Variants in RASAL2 observed in about 807,000 individuals in gnomAD.
The protein encoded by RASAL2 is ras GTPase-activating protein nGAP.
RASAL2 carries 58 observed loss-of-function variants against 128.9 expected under a neutral mutation model. That is an observed-to-expected ratio of 0.45 (90% CI 0.36 to 0.56). The LOEUF is 0.56. Among genes scored for constraint, RASAL2 ranks in the 20% least tolerant of loss-of-function variants. The pLI, the probability that RASAL2 is intolerant of heterozygous loss-of-function variation, is 0.00. For synonymous variants in RASAL2, 561 were observed against 580.8 expected (o/e 0.97, Z 0.49); for missense variants, 1,360 against 1,601.6 (o/e 0.85, Z 2.57).
intron 5 of RASAL2, among the ~76,000 whole-genome samples, chr1:178,436,755 TTTGGTAGAG>T (rs1676281350): frequency 6.6e-6 from 1 of 152,088 alleles, no homozygotes; most frequent in Non-Finnish European, 1.5e-5. Flanking sequence ...ATTTTGTATT[TTTGGTAGAG>T]TTGGAGTTTT....
chr1:178,464,986 C>A (rs1647530995), intron 15 of RASAL2, among the ~76,000 whole-genome samples: 1 of 151,552 alleles, frequency 6.6e-6, no homozygotes, highest in Non-Finnish European at 1.5e-5. Flanking sequence ...CAAACAAGAA[C>A]CTTGTCATCA....
intron 4 of RASAL2, among the ~76,000 whole-genome samples, chr1:178,416,766 T>C (rs1484532494): frequency 6.6e-6 from 1 of 152,064 alleles, no homozygotes; most frequent in Non-Finnish European, 1.5e-5. Context: ...GGTTCTTTTT[T>C]TTTCCTCTCA....
chr1:178,106,566 A>G (rs1022708090), intron 1 of RASAL2, among the ~76,000 whole-genome samples: 5 of 152,224 alleles, frequency 3.3e-5, no homozygotes, highest in Non-Finnish European at 7.4e-5. Flanking sequence ...AATGTCTAAA[A>G]CAATGACTTT....
chr1:178,244,429 G>T (rs1345308586), intron 1 of RASAL2, among the ~76,000 whole-genome samples: 1 of 152,086 alleles, frequency 6.6e-6, no homozygotes, highest in Non-Finnish European at 1.5e-5. Flanking sequence ...TTTTAGTAGA[G>T]ATGGGGTTTC....
At chr1:178,417,792 AGG>A (rs1674866722) in intron 4 of RASAL2, among the ~76,000 whole-genome samples, 1 of 151,298 alleles carries the variant, frequency 6.6e-6, no homozygotes, top group Non-Finnish European at 1.5e-5. Flanking sequence ...TGCCACAAAA[AGG>A]TAGAATTAAA....
intron 1 of RASAL2, among the ~76,000 whole-genome samples, chr1:178,270,259 A>G (rs2102168950): frequency 6.6e-6 from 1 of 152,176 alleles, no homozygotes; most frequent in Admixed American, 6.5e-5. Context: ...AACTCACATC[A>G]TTTAGTACTG....
intron 2 of RASAL2, among the ~76,000 whole-genome samples, chr1:178,288,642 C>CTTT (rs60150701): frequency 2.4e-4 from 23 of 97,308 alleles, no homozygotes; most frequent in Non-Finnish European, 3.5e-4. Flanking sequence ...CTTTCTCTCT[C>CTTT]TTTTTTTTTT....
At chr1:178,339,848 A>G (rs1027690655) in intron 3 of RASAL2, among the ~76,000 whole-genome samples, 6 of 152,316 alleles carry the variant, frequency 3.9e-5, no homozygotes, top group African/African-American at 1.4e-4. Context: ...AAAAATAGTC[A>G]AATATCAGCA....
At chr1:178,258,122 G>A (rs1014644484) in intron 1 of RASAL2, among the ~76,000 whole-genome samples, 16 of 151,522 alleles carry the variant, frequency 1.1e-4, no homozygotes, top group Middle Eastern at 3.2e-3. Flanking sequence ...GTGAAACCCC[G>A]TCTCTACTAA....
intron 1 of RASAL2, among the ~76,000 whole-genome samples, chr1:178,106,168 A>G (rs894079904): frequency 6.6e-6 from 1 of 152,098 alleles, no homozygotes; most frequent in African/African-American, 2.4e-5. Context: ...TTGTAATGAA[A>G]TTTTTTTAAT....
intron 3 of RASAL2, among the ~76,000 whole-genome samples, chr1:178,368,552 A>G (rs913112927): frequency 6.6e-6 from 1 of 152,214 alleles, no homozygotes; most frequent in Non-Finnish European, 1.5e-5. Flanking sequence ...AGTACTTACT[A>G]CACATAAGAC....
At chr1:178,274,683 G>C (rs1397559842) in intron 1 of RASAL2, among the ~76,000 whole-genome samples, 3 of 152,050 alleles carry the variant, frequency 2.0e-5, no homozygotes, top group Non-Finnish European at 4.4e-5. Context: ...GACCTCCCAG[G>C]CTCAAGCAAT....
At chr1:178,454,297 G>T in intron 11 of RASAL2, 150 bp from the exon 12 acceptor site, 2 of 568,494 alleles carry the variant, frequency 3.5e-6, no homozygotes, top group Non-Finnish European at 6.1e-6. Flanking sequence ...AAGAAAGTAT[G>T]TTATAACATT....
chr1:178,318,280 G>A lies in RASAL2; in HGVS notation c.457+18162G>A, dbSNP rs1273652578. 1.0e-3 allele frequency among the ~76,000 whole-genome samples: 149 copies of A among 147,248 alleles called. 1 individual carries two copies. The highest frequency in any genetic ancestry group is 3.5e-3 in the African/African-American group (139 of 40,178). ...AAAATGTATATTCTGTTGATTTGGG[G>A]TGGAGAGTTCTGTAGATGTCTATTA... On this transcript the variant is annotated intron_variant, in intron 3 of 17. Transcript: ENST00000367649.
At chr1:178,159,510 A>G (rs906395049) in intron 1 of RASAL2, among the ~76,000 whole-genome samples, 2 of 152,234 alleles carry the variant, frequency 1.3e-5, no homozygotes, top group African/African-American at 2.4e-5. Context: ...ATACAGGGAA[A>G]GTGTTTGAAA....
intron 1 of RASAL2, among the ~76,000 whole-genome samples, chr1:178,208,745 G>C (rs999807914): frequency 3.3e-5 from 5 of 152,098 alleles, no homozygotes; most frequent in Non-Finnish European, 7.4e-5. Context: ...CCTACTCTCT[G>C]TTATTACACC....
At chr1:178,382,104 A>G (rs1216161294) in intron 3 of RASAL2, among the ~76,000 whole-genome samples, 2 of 152,212 alleles carry the variant, frequency 1.3e-5, no homozygotes, top group African/African-American at 4.8e-5. Flanking sequence ...TTATCTAAGT[A>G]CTTATCTCCC....
intron 5 of RASAL2, among the ~76,000 whole-genome samples, chr1:178,424,152 A>G (rs1675348166): frequency 6.6e-6 from 1 of 150,882 alleles, no homozygotes; most frequent in Non-Finnish European, 1.5e-5. Context: ...GAAATATTCT[A>G]TCTGGAGCGA....
intron 9 of RASAL2, among the ~76,000 whole-genome samples, chr1:178,446,566 AGT>A (rs1435655060): frequency 1.3e-5 from 2 of 152,198 alleles, no homozygotes; most frequent in Non-Finnish European, 2.9e-5. Context: ...TTTGAAAATC[AGT>A]GTGTATTTCA....
Sources: gnomAD v4.1 joint callset for allele counts (sites outside exome capture counted in the v4.1 genomes callset) on GRCh38, gnomAD v4.1.1 for gene constraint, MANE v1.5 for transcripts, NCBI Gene and HGNC (gene_info 2026-07-23, HGNC 2026-07-21) for gene names.